Variants in MLKL observed in about 807,000 individuals in gnomAD.
The protein encoded by MLKL is mixed lineage kinase domain like pseudokinase.
MLKL carries 55 observed loss-of-function variants against 56.5 expected under a neutral mutation model. The ratio of observed to expected loss-of-function variants is 0.97; its 90% CI spans 0.78 to 1.22. The LOEUF (loss-of-function observed/expected upper bound fraction) is 1.22. MLKL is among the 50% of genes most tolerant of loss of function. The pLI, the probability that MLKL is intolerant of heterozygous loss-of-function variation, is 0.00. For missense variants in MLKL, 694 were observed against 573.9 expected (o/e 1.21, Z -2.14); for synonymous variants, 251 against 208.3 (o/e 1.20, Z -1.76).
chr16:74,700,334 G>A (rs918770176), intron 1 of MLKL, 119 bp downstream of exon 1: 2 of 152,140 alleles, frequency 1.3e-5, no homozygotes, highest in African/African-American at 4.8e-5. Context: ...AACCAACTCG[G>A]TCCTGAGTTC....
intron 7 of MLKL, chr16:74,676,235 G>A (rs1346444881): frequency 6.0e-6 from 6 of 991,972 alleles, no homozygotes; most frequent in Admixed American, 5.8e-5. Context: ...CTTTATGGGG[G>A]GTCAGCCTGA....
intron 6 of MLKL, among the ~76,000 whole-genome samples, chr16:74,681,273 G>T (rs1392005014): frequency 6.6e-6 from 1 of 152,044 alleles, no homozygotes; most frequent in East Asian, 1.9e-4. Context: ...TGATCCACCT[G>T]CCTTGGCCTC....
Position 74,685,704 on chromosome 16 carries a change from G to C in MLKL, c.723-121C>G, listed in dbSNP as rs556448069. 1.6e-4 allele frequency: 112 copies of C among 721,664 alleles called. 1 individual carries two copies. The South Asian group carries it at 1.8e-3, about 12-fold the overall frequency. The allele number at this position is 721,664 out of a possible 1,614,324, so 44.7% of individuals were successfully genotyped here. Reference sequence around the variant, plus strand: ...GTATCAGCATCTGGGGTGAGAACTGGTGCCAGGATGAACTCAGCTACTGAT... The same window carrying C: ...GTATCAGCATCTGGGGTGAGAACTGCTGCCAGGATGAACTCAGCTACTGAT... On this transcript the variant is annotated intron_variant, in intron 4 of 10. Transcript: ENST00000308807.
At chr16:74,690,920 A>G (rs1256578363) in intron 4 of MLKL, among the ~76,000 whole-genome samples, 1 of 152,046 alleles carries the variant, frequency 6.6e-6, no homozygotes, top group Non-Finnish European at 1.5e-5. Flanking sequence ...GGCAACAGAC[A>G]CGTAACTCTA....
intron 1 of MLKL, among the ~76,000 whole-genome samples, chr16:74,698,470 G>A (rs1430029616): frequency 6.6e-6 from 1 of 152,126 alleles, no homozygotes; most frequent in Non-Finnish European, 1.5e-5. Context: ...ATTGGGCAAG[G>A]GAGGTAACAG....
At chr16:74,687,601 G>A (rs1463072612) in intron 4 of MLKL, among the ~76,000 whole-genome samples, 1 of 151,816 alleles carries the variant, frequency 6.6e-6, no homozygotes, top group African/African-American at 2.4e-5. Context: ...GCTATCATAA[G>A]ACTAGACAAA....
chr16:74,686,348 C>A (rs59214872), intron 4 of MLKL, among the ~76,000 whole-genome samples: 1 of 152,076 alleles, frequency 6.6e-6, no homozygotes, highest in Non-Finnish European at 1.5e-5. Flanking sequence ...TTTGGGAGGC[C>A]GAGGCAGGTG....
rs966314323 is a variant in MLKL at position 74,672,361 on chromosome 16, G to A, written c.*143C>T. ...GGATGTGTCCTGTATGACTGGAATC[G>A]TTTTCTATTTGTAACAGAGAAGCGT... On this transcript the variant is annotated 3_prime_UTR_variant, in exon 11 of 11. Coordinates refer to ENST00000308807, the MANE Select transcript of MLKL (RefSeq NM_152649.4). 12 of 723,392 alleles carry A rather than the reference G, an allele frequency of 1.7e-5. No homozygotes were observed. Among genetic ancestry groups the A allele is most frequent in the Admixed American group, 1.2e-4 (5 of 43,092 alleles). 44.8% of individuals were successfully genotyped at this position (723,392 alleles called of 1,614,324 possible).
In MLKL at chr16:74,672,372, G is replaced by T. The variant is rs113644817; in HGVS notation, c.*132C>A. On this transcript the variant is annotated 3_prime_UTR_variant, in exon 11 of 11. Transcript: ENST00000308807. ...GTATGACTGGAATCGTTTTCTATTT[G>T]TAACAGAGAAGCGTGCCCACTCCTT... 1 of 776,092 alleles carries T rather than the reference G, an allele frequency of 1.3e-6. No individual in the cohort carries two copies. 48.1% of individuals were successfully genotyped at this position (776,092 alleles called of 1,614,324 possible).
intron 2 of MLKL, 121 bp from the exon 3 acceptor site, chr16:74,692,537 A>G: frequency 1.3e-6 from 1 of 748,104 alleles, no homozygotes; most frequent in South Asian, 1.9e-5. Context: ...TCATTATGGT[A>G]GGGATTACTA....
intron 10 of MLKL, among the ~76,000 whole-genome samples, chr16:74,672,858 G>T (rs1959320577): frequency 6.6e-6 from 1 of 152,316 alleles, no homozygotes; most frequent in South Asian, 2.1e-4. Context: ...ACAGAGGAGA[G>T]AGTGTAGTGG....
In MLKL at chr16:74,675,113, GC is replaced by G; in HGVS notation, c.1241-14del. ...TCAGAATTACAGCCTGGAAATGATA[GC>G]ATGAGAGCCTCAAAAAATTGCTCCG... is the stretch of plus-strand genomic sequence containing the variant. On this transcript the variant is annotated splice_polypyrimidine_tract_variant and intron_variant, in intron 9 of 10. Transcript: ENST00000308807. The G allele has an allele frequency of 1.2e-6, 2 of 1,613,226 alleles. No homozygotes were observed.
chr16:74,681,385 G>A (rs972323530), intron 6 of MLKL, among the ~76,000 whole-genome samples: 2 of 152,118 alleles, frequency 1.3e-5, no homozygotes, highest in Non-Finnish European at 2.9e-5. Flanking sequence ...AAATAACACT[G>A]GTAGTAGTAT....
chr16:74,695,281 C>T lies in MLKL; in HGVS notation c.460+17G>A, dbSNP rs758438792. ...CATTCAACTGCACTCCCACTCCCCA[C>T]CAAAGACCCAGCTTGCCTCTTCTTA... On this transcript the variant is annotated intron_variant, in intron 2 of 10. Coordinates refer to ENST00000308807, the MANE Select transcript of MLKL (RefSeq NM_152649.4). 36 of 1,610,426 alleles carry T rather than the reference C, an allele frequency of 2.2e-5. No homozygotes were observed. The highest frequency in any genetic ancestry group is 2.7e-5 in the Non-Finnish European group (32 of 1,178,342).
chr16:74,675,294 C>G, intron 9 of MLKL, 61 bp downstream of exon 9: 1 of 1,610,706 alleles, frequency 6.2e-7, no homozygotes, highest in Non-Finnish European at 8.5e-7. Flanking sequence ...TGGGGAATTT[C>G]TGGTCTACTG....
At chr16:74,693,235 A>G (rs995092539) in intron 2 of MLKL, among the ~76,000 whole-genome samples, 1 of 152,006 alleles carries the variant, frequency 6.6e-6, no homozygotes, top group Non-Finnish European at 1.5e-5. Flanking sequence ...CAGGCAGATC[A>G]CTTGAGGTCA....
At chr16:74,673,807 T>C (rs865982032) in intron 10 of MLKL, among the ~76,000 whole-genome samples, 1 of 151,744 alleles carries the variant, frequency 6.6e-6, no homozygotes, top group African/African-American at 2.4e-5. Flanking sequence ...AATGCTGCTG[T>C]GGTGGTGCCT....
rs1000161054 is a variant in MLKL at position 74,675,457 on chromosome 16, G to A, written c.1191-53C>T. 5.6e-6 allele frequency: 9 copies of A among 1,597,034 alleles called. No homozygotes were observed. The African/African-American group carries it at 9.4e-5, about 17-fold the overall frequency. ...CCATAACTAGTCTCCCCTTTCCCCT[G>A]TCCCTCTAGCCACTGCCAGAAAACT... On this transcript the variant is annotated intron_variant, in intron 8 of 10. Coordinates refer to ENST00000308807, the MANE Select transcript of MLKL (RefSeq NM_152649.4).
intron 7 of MLKL, 107 bp from the exon 8 acceptor site, chr16:74,675,871 AG>A (rs1821091021): frequency 8.1e-7 from 1 of 1,231,788 alleles, no homozygotes; most frequent in African/African-American, 1.5e-5. Flanking sequence ...CTTTTACCTT[AG>A]GGATTTATTT....
Sources: allele counts gnomAD v4.1 joint callset (sites outside exome capture counted in the v4.1 genomes callset), GRCh38; gene constraint gnomAD v4.1.1; transcripts MANE v1.5; gene names NCBI Gene and HGNC (gene_info 2026-07-23, HGNC 2026-07-21).